Variants in GABRB2 observed in about 807,000 individuals in gnomAD.
GABRB2 encodes gamma-aminobutyric acid type A receptor subunit beta2.
In GABRB2, 16 loss-of-function variants were observed where a neutral mutation model predicts 54.7. The observed-to-expected ratio is 0.29, with a 90% CI of 0.20 to 0.44. The LOEUF is 0.44. GABRB2 is among the 20% of genes least tolerant of loss of function. The probability of loss-of-function intolerance (pLI) is 1.00; values close to 1 mark genes in which losing one functional copy is unlikely to be tolerated. For synonymous variants in GABRB2, 244 were observed against 233.8 expected (o/e 1.04, Z -0.40); for missense variants, 355 against 644.0 (o/e 0.55, Z 4.86).
At chr5:161,372,061 T>G (rs1342823436) in intron 5 of GABRB2, among the ~76,000 whole-genome samples, 1 of 152,190 alleles carries the variant, frequency 6.6e-6, no homozygotes, top group Non-Finnish European at 1.5e-5. Context: ...ATAAATTCTA[T>G]GATTACCTAG....
intron 5 of GABRB2, among the ~76,000 whole-genome samples, chr5:161,385,781 C>A (rs917436706): frequency 6.6e-6 from 1 of 151,900 alleles, no homozygotes. Context: ...ATGATGTATT[C>A]CAGTAAAACC....
chr5:161,439,956 CA>C (rs912965465), intron 4 of GABRB2, among the ~76,000 whole-genome samples: 58 of 150,120 alleles, frequency 3.9e-4, no homozygotes, highest in African/African-American at 1.4e-3. Flanking sequence ...GCACATCTAG[CA>C]CATGTACTCT....
At chr5:161,299,499 G>C (rs577892600) in intron 9 of GABRB2, among the ~76,000 whole-genome samples, 2 of 152,294 alleles carry the variant, frequency 1.3e-5, no homozygotes, top group African/African-American at 4.8e-5. Context: ...AATTTGGAAA[G>C]AAGCCAACAC....
chr5:161,495,522 C>A (rs1205297067), intron 3 of GABRB2, among the ~76,000 whole-genome samples: 2 of 151,432 alleles, frequency 1.3e-5, no homozygotes, highest in Non-Finnish European at 2.9e-5. Flanking sequence ...AAAACGTTTG[C>A]CCCAAATTAT....
At chr5:161,538,534 A>T (rs1283104214) in intron 3 of GABRB2, among the ~76,000 whole-genome samples, 1 of 152,188 alleles carries the variant, frequency 6.6e-6, no homozygotes, top group African/African-American at 2.4e-5. Context: ...AGAATAGTAA[A>T]CGCCTACCTG....
intron 3 of GABRB2, among the ~76,000 whole-genome samples, chr5:161,477,301 A>AGAAC (rs1347125130): frequency 6.9e-6 from 1 of 145,338 alleles, no homozygotes; most frequent in Non-Finnish European, 1.5e-5. Context: ...AAAAAAAAAA[A>AGAAC]AGAACAGTAA....
intron 5 of GABRB2, among the ~76,000 whole-genome samples, chr5:161,361,370 T>A (rs2113452352): frequency 6.6e-6 from 1 of 152,262 alleles, no homozygotes; most frequent in East Asian, 1.9e-4. Flanking sequence ...TTAGAAATAA[T>A]CCTTATCTTT....
intron 5 of GABRB2, among the ~76,000 whole-genome samples, chr5:161,340,631 C>A (rs1221181362): frequency 1.3e-5 from 2 of 150,858 alleles, no homozygotes; most frequent in Non-Finnish European, 3.0e-5. Flanking sequence ...TAAATTGCAA[C>A]ACTAATATAA....
At chr5:161,480,299 G>A (rs1758723313) in intron 3 of GABRB2, among the ~76,000 whole-genome samples, 1 of 151,982 alleles carries the variant, frequency 6.6e-6, no homozygotes, top group Non-Finnish European at 1.5e-5. Flanking sequence ...GAAATTTGGG[G>A]TTTGATTACA....
intron 5 of GABRB2, among the ~76,000 whole-genome samples, chr5:161,386,319 A>G (rs1265456856): frequency 6.6e-6 from 1 of 152,152 alleles, no homozygotes; most frequent in African/African-American, 2.4e-5. Flanking sequence ...TTATCTCCAC[A>G]GTAAAGACAG....
chr5:161,312,710 G>A lies in GABRB2; in HGVS notation c.1191+13658C>T, dbSNP rs112149303. 9.9e-3 allele frequency among the ~76,000 whole-genome samples: 1,507 copies of A among 152,266 alleles called. 27 individuals are homozygous for A. The highest frequency in any genetic ancestry group is 0.034 in the African/African-American group (1,394 of 41,536). ...CAAGATTTAAAGTTTTGTGAGCATC[G>A]AGTCGTTTTGGAAATTTGCCGAAAT... On this transcript the variant is annotated intron_variant, in intron 9 of 9. Transcript: ENST00000393959.
chr5:161,395,902 A>T (rs904294553), intron 5 of GABRB2, among the ~76,000 whole-genome samples: 1 of 152,152 alleles, frequency 6.6e-6, no homozygotes, highest in South Asian at 2.1e-4. Context: ...GATTTGCAAG[A>T]ATATAATAAG....
chr5:161,381,799 T>C (rs1344682231), intron 5 of GABRB2, among the ~76,000 whole-genome samples: 1 of 152,170 alleles, frequency 6.6e-6, no homozygotes, highest in African/African-American at 2.4e-5. Context: ...CTTTTAGCTT[T>C]GCAGTTTATA....
At position 161,491,439 on chromosome 5, in the gene GABRB2, G is replaced by A. The variant is rs1208163921; in HGVS notation, c.238-31595C>T. ...CTTCTCAGATGCAAATACAATTTAT[G>A]GGAATTATGCAAATTAAACTATTAG... On this transcript the variant is annotated intron_variant, in intron 3 of 9. Transcript: ENST00000393959. Among the ~76,000 whole-genome samples, 29 of 151,566 alleles carry A rather than the reference G, an allele frequency of 1.9e-4. 2 individuals carry two copies. The highest frequency in any genetic ancestry group is 1.8e-3 in the Admixed American group (28 of 15,164).
intron 3 of GABRB2, among the ~76,000 whole-genome samples, chr5:161,508,071 A>T (rs1759662567): frequency 6.6e-6 from 1 of 152,008 alleles, no homozygotes; most frequent in Admixed American, 6.6e-5. Flanking sequence ...GTACTGTTTA[A>T]ATATAAATAC....
rs912541287 is a variant in GABRB2, at chr5:161,386,937, G to A, written c.541+24038C>T. On this transcript the variant is annotated intron_variant, in intron 5 of 9. Transcript: ENST00000393959. The stretch of plus-strand genomic sequence containing the variant: ...TGACTTGACCGCGTAAAAATGTATA[G>A]TGTACTTGGGATGGAGGAGGAGGTA... Among the ~76,000 whole-genome samples the A allele has an allele frequency of 4.6e-5, 7 of 151,992 alleles. No individual in the cohort carries two copies. In the East Asian group the frequency reaches 7.7e-4, roughly 17 times the overall value.
At chr5:161,483,733 A>G (rs1758835088) in intron 3 of GABRB2, among the ~76,000 whole-genome samples, 1 of 152,006 alleles carries the variant, frequency 6.6e-6, no homozygotes, top group African/African-American at 2.4e-5. Flanking sequence ...TAAAATAAAT[A>G]TATTTATGGT....
intron 3 of GABRB2, among the ~76,000 whole-genome samples, chr5:161,539,182 T>A (rs1760735960): frequency 6.6e-6 from 1 of 152,214 alleles, no homozygotes; most frequent in Admixed American, 6.5e-5. Context: ...CAGTCCATAA[T>A]CCTCAGAGCC....
intron 3 of GABRB2, among the ~76,000 whole-genome samples, chr5:161,512,484 T>C (rs1294927183): frequency 6.6e-6 from 1 of 152,028 alleles, no homozygotes; most frequent in African/African-American, 2.4e-5. Flanking sequence ...CTCTACTCAA[T>C]AAATGGTGCT....
Sources: gnomAD v4.1 joint callset for allele counts (sites outside exome capture counted in the v4.1 genomes callset) on GRCh38, gnomAD v4.1.1 for gene constraint, MANE v1.5 for transcripts, NCBI Gene and HGNC (gene_info 2026-07-23, HGNC 2026-07-21) for gene names.